The following TCF7L2 variants were observed in gnomAD, a reference collection of about 807,000 sequenced individuals.
The protein encoded by TCF7L2 is transcription factor 7-like 2.
A neutral mutation model predicts 77.9 loss-of-function variants in TCF7L2; 23 were observed. The observed-to-expected ratio is 0.30, with a 90% CI of 0.21 to 0.42. TCF7L2 has a LOEUF of 0.42. TCF7L2 is among the 10% of genes least tolerant of loss of function. The pLI, the probability that TCF7L2 is intolerant of heterozygous loss-of-function variation, is 1.00. For synonymous variants in TCF7L2, 413 were observed against 340.2 expected (o/e 1.21, Z -2.36); for missense variants, 654 against 793.1 (o/e 0.82, Z 2.11).
intron 5 of TCF7L2, among the ~76,000 whole-genome samples, chr10:113,045,248 G>A (rs770441431): frequency 2.6e-5 from 4 of 152,144 alleles, no homozygotes; most frequent in East Asian, 1.9e-4. Context: ...AGACTGTAGC[G>A]CTTCCTATGC....
intron 4 of TCF7L2, among the ~76,000 whole-genome samples, chr10:112,965,062 G>A (rs894546280): frequency 1.1e-4 from 16 of 151,996 alleles, no homozygotes; most frequent in African/African-American, 3.9e-4. Context: ...GGGAGAGGTG[G>A]GAGAGGAGGC....
chr10:113,148,228 C>T (rs1005017008), intron 8 of TCF7L2, among the ~76,000 whole-genome samples: 1 of 152,102 alleles, frequency 6.6e-6, no homozygotes, highest in African/African-American at 2.4e-5. Context: ...CTGTGACCCC[C>T]TTTAGATTGA....
At chr10:112,984,991 C>T (rs567023182) in intron 4 of TCF7L2, among the ~76,000 whole-genome samples, 5 of 152,300 alleles carry the variant, frequency 3.3e-5, no homozygotes, top group East Asian at 3.9e-4. Flanking sequence ...CGTTTATTGC[C>T]TGTGGGACCG....
intron 5 of TCF7L2, 141 bp from the exon 6 acceptor site, chr10:113,141,043 T>G: frequency 1.1e-6 from 1 of 947,700 alleles, no homozygotes; most frequent in South Asian, 1.7e-5. Flanking sequence ...CTGGGGGGAG[T>G]ATGGGATGGG....
chr10:113,129,364 C>G (rs1051251751), intron 5 of TCF7L2: 1 of 989,606 alleles, frequency 1.0e-6, no homozygotes, highest in African/African-American at 1.7e-5. Flanking sequence ...TCTGTCCCTG[C>G]TGCCCAAGGT....
At chr10:113,059,862 T>G (rs1266176796) in intron 5 of TCF7L2, among the ~76,000 whole-genome samples, 2 of 152,228 alleles carry the variant, frequency 1.3e-5, no homozygotes, top group Non-Finnish European at 2.9e-5. Flanking sequence ...TGTTTTCTCC[T>G]TAATTATCTG....
At chr10:113,026,819 C>A (rs1477682788) in intron 4 of TCF7L2, among the ~76,000 whole-genome samples, 4 of 152,180 alleles carry the variant, frequency 2.6e-5, no homozygotes, top group Admixed American at 2.0e-4. Flanking sequence ...TAAACCAAAG[C>A]CTGGGAAACT....
chr10:113,048,556 G>A (rs775600208), intron 5 of TCF7L2, among the ~76,000 whole-genome samples: 6 of 152,236 alleles, frequency 3.9e-5, no homozygotes, highest in East Asian at 1.9e-4. Flanking sequence ...GGGCGTGGAC[G>A]TGTGTCTACT....
intron 4 of TCF7L2, among the ~76,000 whole-genome samples, chr10:113,025,852 G>A (rs2049053034): frequency 6.6e-6 from 1 of 151,918 alleles, no homozygotes; most frequent in East Asian, 1.9e-4. Context: ...CAGGCATTCT[G>A]GGTCAGAATT....
At chr10:113,036,447 C>T in intron 4 of TCF7L2, among the ~76,000 whole-genome samples, 1 of 152,110 alleles carries the variant, frequency 6.6e-6, no homozygotes, top group East Asian at 1.9e-4. Context: ...GAGATGCTCA[C>T]CTTTTTCTTT....
intron 4 of TCF7L2, among the ~76,000 whole-genome samples, chr10:112,976,506 G>C (rs1268285501): frequency 6.6e-6 from 1 of 152,136 alleles, no homozygotes; most frequent in Non-Finnish European, 1.5e-5. Context: ...CTCAGAGATT[G>C]TGTTTTACTC....
At chr10:113,063,638 C>G (rs921470764) in intron 5 of TCF7L2, among the ~76,000 whole-genome samples, 1 of 152,156 alleles carries the variant, frequency 6.6e-6, no homozygotes. Flanking sequence ...TTATCTGAGG[C>G]TGTCACCAGT....
chr10:113,108,793 A>C lies in TCF7L2; in HGVS notation c.553-32391A>C, dbSNP rs558664174. Among the ~76,000 whole-genome samples the C allele has an allele frequency of 2.0e-5, 3 of 152,314 alleles. No homozygotes were observed. The South Asian group carries it at 6.2e-4, about 32-fold the overall frequency. On this transcript the variant is annotated intron_variant, in intron 5 of 13. Coordinates refer to ENST00000627217, the MANE Select transcript of TCF7L2 (RefSeq NM_001146274.2). ...GTTGCTGTTTTCCTCCAGGCATCGG[A>C]GTTAAAAAGCATTTGTTCAAAAATC...
chr10:113,037,332 G>A (rs1181176807), intron 4 of TCF7L2, among the ~76,000 whole-genome samples: 2 of 152,106 alleles, frequency 1.3e-5, no homozygotes, highest in Admixed American at 1.3e-4. Context: ...GAGAGTTTGG[G>A]GCTGTCACTG....
chr10:113,106,675 C>T (rs1385445164), intron 5 of TCF7L2, among the ~76,000 whole-genome samples: 4 of 152,170 alleles, frequency 2.6e-5, no homozygotes, highest in Admixed American at 1.3e-4. Context: ...ATAAAAAACA[C>T]TGAAAACTTT....
rs540243279 is a variant in TCF7L2 at position 113,165,983 on chromosome 10, G to A, written c.*11G>A. 8 of 1,487,594 alleles carry A rather than the reference G, an allele frequency of 5.4e-6. No homozygotes were observed. The highest frequency in any genetic ancestry group is 1.5e-5 in the South Asian group (1 of 68,844). 92.1% of individuals were successfully genotyped at this position (1,487,594 alleles called of 1,614,324 possible). A position where few individuals can be genotyped will look rare whatever the true frequency, so the allele number is the denominator to read the frequency against. On this transcript the variant is annotated 3_prime_UTR_variant, in exon 14 of 14. Coordinates refer to ENST00000627217, the MANE Select transcript of TCF7L2 (RefSeq NM_001146274.2). ...AAGTCTTTAGAATAGCTTTAGCGTCGTGAACCCCGCTGCTTTGTTTATGGT... is the reference window on the plus strand; with the variant it reads ...AAGTCTTTAGAATAGCTTTAGCGTCATGAACCCCGCTGCTTTGTTTATGGT...
chr10:113,118,869 T>C (rs2064305918), intron 5 of TCF7L2, among the ~76,000 whole-genome samples: 1 of 152,128 alleles, frequency 6.6e-6, no homozygotes, highest in Non-Finnish European at 1.5e-5. Flanking sequence ...TAGGCATTTC[T>C]AGATGATAAA....
At chr10:113,146,634 T>TTA (rs1270811271) in intron 8 of TCF7L2, among the ~76,000 whole-genome samples, 1 of 149,246 alleles carries the variant, frequency 6.7e-6, no homozygotes, top group Non-Finnish European at 1.5e-5. Context: ...TTTTTTTTTT[T>TTA]AAAAAAAAGA....
At chr10:113,071,759 C>T (rs2058046405) in intron 5 of TCF7L2, among the ~76,000 whole-genome samples, 1 of 152,142 alleles carries the variant, frequency 6.6e-6, no homozygotes, top group Non-Finnish European at 1.5e-5. Flanking sequence ...GAGACCCTGT[C>T]AATGGAGGGA....
Sources: allele counts gnomAD v4.1 joint callset (sites outside exome capture counted in the v4.1 genomes callset), GRCh38; gene constraint gnomAD v4.1.1; transcripts MANE v1.5; gene names NCBI Gene and HGNC (gene_info 2026-07-23, HGNC 2026-07-21).